MBD6: variants seen among roughly 807,000 people sequenced by gnomAD.
MBD6 encodes the protein methyl-CpG binding domain protein 6, also known as methyl-CpG-binding domain protein 6.
In MBD6, 22 loss-of-function variants were observed where a neutral mutation model predicts 66.8. The observed-to-expected ratio is 0.33, with a 90% CI of 0.24 to 0.47. The LOEUF is 0.47. MBD6 is among the 20% of genes least tolerant of loss of function. The pLI, the probability that MBD6 is intolerant of heterozygous loss-of-function variation, is 1.00. For missense variants in MBD6, 1,322 were observed against 1,286.9 expected (o/e 1.03, Z -0.42); for synonymous variants, 540 against 534.6 (o/e 1.01, Z -0.14).
Position 57,525,965 on chromosome 12 carries a change from C to T in MBD6, c.997C>T (p.Pro333Ser). ...LLSAAAKAQHPPLPPPSTLQG... is the reference protein window; with the variant it reads ...LLSAAAKAQHSPLPPPSTLQG... The stretch of plus-strand genomic sequence containing the variant: ...CTCTGCAGCGGCCAAGGCACAGCAT[C>T]CCCCACTACCCCCTCCCAGCACTTT... Residue 333 changes from proline (P) to serine (S), a missense_variant, in exon 6 of 13, where the codon CCC becomes TCC. By Grantham distance (74) the Pro-to-Ser change is moderately conservative (BLOSUM62 -1). Coordinates refer to ENST00000355673, the MANE Select transcript of MBD6 (RefSeq NM_052897.4). 6.2e-7 allele frequency: 1 copy of T among 1,613,386 alleles called. No individual in the cohort carries two copies. The highest frequency in any genetic ancestry group is 8.5e-7 in the Non-Finnish European group (1 of 1,179,810).
intron 1 of MBD6, among the ~76,000 whole-genome samples, 156 bp from the exon 2 acceptor site, chr12:57,523,873 A>C (rs966419452): frequency 6.6e-6 from 1 of 152,122 alleles, no homozygotes; most frequent in Non-Finnish European, 1.5e-5. Flanking sequence ...TGGGCTTGGA[A>C]AGGATGGTTG....
intron 7 of MBD6, 101 bp downstream of exon 7, chr12:57,527,328 GGGCCTTTGGGGA>G: frequency 9.1e-7 from 1 of 1,097,700 alleles, no homozygotes; most frequent in Non-Finnish European, 1.3e-6. Context: ...CTCTTCCTTG[GGGCCTTTGGGGA>G]GGCCTTAGTT....
Position 57,527,885 on chromosome 12 carries a change from C to T in MBD6, c.2274C>T (p.Leu758=). The change falls in exon 9 of 13, where the codon CTC becomes CTT. Residue 758 remains leucine, a synonymous_variant. Transcript: ENST00000355673. ...LSSLTSSPGA[L]PSLLQPPGPL... The stretch of plus-strand genomic sequence containing the variant: ...CACTGACCAGCAGCCCTGGAGCCCT[C>T]CCCAGCCTGTTGCAGCCTCCTGGCC... 1 of 1,613,876 alleles carries T rather than the reference C, an allele frequency of 6.2e-7. No homozygotes were observed. Among genetic ancestry groups the T allele is most frequent in the Non-Finnish European group, 8.5e-7 (1 of 1,179,972 alleles).
Position 57,525,376 on chromosome 12 carries a change from C to T in MBD6, c.408C>T (p.His136=). 6.4e-7 allele frequency: 1 copy of T among 1,567,548 alleles called. No homozygotes were observed. Among genetic ancestry groups the T allele is most frequent in the East Asian group, 2.2e-5 (1 of 44,736 alleles). ...AGGGAGCGAGCCCCCAAATGTTCCA[C>T]ACTGTGTCCCCAGGGCCCCCCTCTG... The part of the protein sequence containing the change: ...PGEGASPQMF[H]TVSPGPPSAR... Residue 136 remains histidine (H), a synonymous_variant, in exon 6 of 13, where the codon CAC becomes CAT. Transcript: ENST00000355673.
At position 57,526,072 on chromosome 12, in the gene MBD6, A is replaced by G; in HGVS notation, c.1104A>G (p.Arg368=). Residue 368 remains arginine, a synonymous_variant, in exon 6 of 13, where the codon AGA becomes AGG. Coordinates refer to ENST00000355673, the MANE Select transcript of MBD6 (RefSeq NM_052897.4). ...GTCCCTCTCAGCGTCGTCCCCGCAG[A>G]CCCCCTACTGTATTTCGATTGCTAG... ...SLRPSQRRPR[R]PPTVFRLLEG... The G allele has an allele frequency of 6.2e-7, 1 of 1,611,690 alleles. No individual in the cohort carries two copies. The highest frequency in any genetic ancestry group is 1.1e-5 in the South Asian group (1 of 90,954).
chr12:57,527,192 G>A lies in MBD6; in HGVS notation c.2047G>A (p.Ala683Thr). 2.6e-6 allele frequency: 4 copies of A among 1,517,850 alleles called. No individual in the cohort carries two copies. Among genetic ancestry groups the A allele is most frequent in the Non-Finnish European group, 3.5e-6 (4 of 1,133,796 alleles). 94.0% of individuals were successfully genotyped at this position (1,517,850 alleles called of 1,614,324 possible). A position where few individuals can be genotyped will look rare whatever the true frequency, so the allele number is the denominator to read the frequency against. Residue 683 changes from alanine to threonine, a missense_variant, in exon 7 of 13, where the codon GCC (alanine) becomes ACC (threonine). Physicochemically the swap from Ala to Thr is moderately conservative, Grantham distance 58. Transcript: ENST00000355673. ...LIALNSALLA[A>T]TLDPPSGTPP... Reference sequence around the variant, plus strand: ...AGCTTTAAATTCTGCGCTGCTGGCTGCCACCCTGGATCCCCCCTCGGGGAC... The same window carrying A: ...AGCTTTAAATTCTGCGCTGCTGGCTACCACCCTGGATCCCCCCTCGGGGAC...
chr12:57,529,290 T>C lies in MBD6; in HGVS notation c.*56T>C, dbSNP rs1879360083. ...ATTGGGGAGAGCTGAGTGCTGAGCC[T>C]TGGGAGCCCCTGCCAGCCACCTGCA... is the stretch of plus-strand genomic sequence containing the variant. On this transcript the variant is annotated 3_prime_UTR_variant, in exon 13 of 13. Transcript: ENST00000355673. 4 of 1,595,734 alleles carry C rather than the reference T, an allele frequency of 2.5e-6. No homozygotes were observed. The highest frequency in any genetic ancestry group is 2.7e-5 in the African/African-American group (2 of 74,550).
At chr12:57,529,045 G>C in intron 12 of MBD6, 36 bp downstream of exon 12, 1 of 1,613,950 alleles carries the variant, frequency 6.2e-7, no homozygotes. Flanking sequence ...TGGATGGGTA[G>C]GGTGTAAGGG....
At position 57,524,842 on chromosome 12, in the gene MBD6, C is replaced by A; in HGVS notation, c.216+20C>A. On this transcript the variant is annotated intron_variant, in intron 4 of 12. Coordinates refer to ENST00000355673, the MANE Select transcript of MBD6 (RefSeq NM_052897.4). The stretch of plus-strand genomic sequence containing the variant: ...CCCAAGGTCAGAGTGGTGAGGGGCG[C>A]CTGAGAGTACAGAGATAAGCTAAAA... The A allele has an allele frequency of 6.2e-7, 1 of 1,613,816 alleles. No homozygotes were observed. Among genetic ancestry groups the A allele is most frequent in the Non-Finnish European group, 8.5e-7 (1 of 1,179,674 alleles).
Position 57,528,483 on chromosome 12 carries a change from C to T in MBD6, c.2743C>T (p.His915Tyr), listed in dbSNP as rs199775068. The T allele has an allele frequency of 5.1e-5, 82 of 1,613,970 alleles. No individual in the cohort carries two copies. In the East Asian group the frequency reaches 1.6e-3, roughly 32 times the overall value. The part of the protein sequence containing the change: ...RSPRRTHHWQ[H>Y]NGELAEGGAE... ...CCCAAGAAGAACCCACCATTGGCAG[C>T]ATAATGGGGAGCTGGCTGAAGGGGG... is the stretch of plus-strand genomic sequence containing the variant. Residue 915 changes from histidine (H) to tyrosine (Y), a missense_variant, in exon 10 of 13, where the codon CAT becomes TAT. Coordinates refer to ENST00000355673, the MANE Select transcript of MBD6 (RefSeq NM_052897.4).
Position 57,528,138 on chromosome 12 carries a change from T to G in MBD6, c.2407-9T>G, listed in dbSNP as rs760628831. 9.5e-6 allele frequency: 15 copies of G among 1,576,398 alleles called. No individual in the cohort carries two copies. The highest frequency in any genetic ancestry group is 6.0e-6 in the Non-Finnish European group (7 of 1,167,426). ...GAGATTGACTGAGAACTTATTTTTT[T>G]GCCAGCAGATCCCTCCAGAGCAGCC... On this transcript the variant is annotated splice_polypyrimidine_tract_variant and intron_variant, in intron 9 of 12. Transcript: ENST00000355673.
chr12:57,526,422 G>T, intron 6 of MBD6, 34 bp downstream of exon 6: 1 of 1,536,164 alleles, frequency 6.5e-7, no homozygotes, highest in Non-Finnish European at 8.8e-7. Flanking sequence ...TCCTCATCCT[G>T]GCTGGAAAGA....
chr12:57,523,590 G>T (rs992476860), intron 1 of MBD6, among the ~76,000 whole-genome samples: 1 of 152,194 alleles, frequency 6.6e-6, no homozygotes, highest in Non-Finnish European at 1.5e-5. Flanking sequence ...GGGGAGTTCT[G>T]CTGGTACCAC....
In MBD6 at chr12:57,526,684, T is replaced by A; in HGVS notation, c.1539T>A (p.Ala513=). The A allele has an allele frequency of 6.5e-7, 1 of 1,529,880 alleles. No individual in the cohort carries two copies. The allele number at this position is 1,529,880 out of a possible 1,614,324, so 94.8% of individuals were successfully genotyped here. The change falls in exon 7 of 13, where the codon GCT becomes GCA. Residue 513 remains alanine, a synonymous_variant. Transcript: ENST00000355673. ...AGPACPLPPL[A]GGEAFPFPSP... ...CGGCCTGCCCTCTGCCTCCCCTGGC[T>A]GGTGGAGAGGCTTTCCCTTTCCCCA...
chr12:57,528,778 T>C, intron 11 of MBD6, 60 bp downstream of exon 11: 1 of 1,608,932 alleles, frequency 6.2e-7, no homozygotes, highest in Non-Finnish European at 8.5e-7. Flanking sequence ...TTTGGACAGT[T>C]CTAATGTCCA....
Position 57,527,905 on chromosome 12 carries a change from C to T in MBD6, c.2294C>T (p.Pro765Leu), listed in dbSNP as rs754926085. The change falls in exon 9 of 13, where the codon CCT becomes CTT. Residue 765 changes from proline to leucine, a missense_variant. Coordinates refer to ENST00000355673, the MANE Select transcript of MBD6 (RefSeq NM_052897.4). Reference protein sequence around the residue: ...PGALPSLLQPPGPLLSGQLGL... With the variant: ...PGALPSLLQPLGPLLSGQLGL... ...GCCCTCCCCAGCCTGTTGCAGCCTC[C>T]TGGCCCTCTTCTCTCTGGCCAGTTG... is the stretch of plus-strand genomic sequence containing the variant. The T allele has an allele frequency of 1.2e-6, 2 of 1,613,870 alleles. No homozygotes were observed. The highest frequency in any genetic ancestry group is 3.3e-5 in the Admixed American group (2 of 59,972).
chr12:57,528,488 T>C lies in MBD6; in HGVS notation c.2748T>C (p.Asn916=). 1.9e-6 allele frequency: 3 copies of C among 1,613,906 alleles called. No homozygotes were observed. Among genetic ancestry groups the C allele is most frequent in the Non-Finnish European group, 2.5e-6 (3 of 1,180,000 alleles). Residue 916 remains asparagine (N), a synonymous_variant, in exon 10 of 13, where the codon AAT becomes AAC. Transcript: ENST00000355673. ...SPRRTHHWQH[N]GELAEGGAEP... is the part of the protein sequence containing the mutation. ...GAAGAACCCACCATTGGCAGCATAATGGGGAGCTGGCTGAAGGGGGTGCTG... is the reference window on the plus strand; with the variant it reads ...GAAGAACCCACCATTGGCAGCATAACGGGGAGCTGGCTGAAGGGGGTGCTG...
At chr12:57,527,260 A>G in intron 7 of MBD6, 33 bp downstream of exon 7, 9 of 1,337,510 alleles carry the variant, frequency 6.7e-6, no homozygotes, top group Non-Finnish European at 1.0e-6. Context: ...GGGACAGAAC[A>G]AGATGTAGAA....
Position 57,529,177 on chromosome 12 carries a change from T to TTTTC in MBD6, c.2955_2956insTTTC (p.Pro986PhefsTer73). On this transcript the variant is annotated frameshift_variant, in exon 13 of 13. Transcript: ENST00000355673. LOFTEE classifies it high-confidence loss of function. ...GATATTAGGCAGCTGTCCCTCTGCC[T>TTTTC]CCCCGGGCCCGCCCTGGCCGTCCTG... 1 of 1,613,996 alleles carries TTTTC rather than the reference T, an allele frequency of 6.2e-7. No homozygotes were observed. Among genetic ancestry groups the TTTTC allele is most frequent in the Non-Finnish European group, 8.5e-7 (1 of 1,179,986 alleles).
Sources: gnomAD v4.1 joint callset for allele counts (sites outside exome capture counted in the v4.1 genomes callset) on GRCh38, gnomAD v4.1.1 for gene constraint, MANE v1.5 for transcripts, NCBI Gene and HGNC (gene_info 2026-07-23, HGNC 2026-07-21) for gene names.